The following API5 variants were observed in gnomAD, a reference collection of about 807,000 sequenced individuals.
The protein encoded by API5 is FIF.
A neutral mutation model predicts 71.9 loss-of-function variants in API5; 6 were observed. That is an observed-to-expected ratio of 0.08 (90% CI 0.05 to 0.16). The LOEUF (loss-of-function observed/expected upper bound fraction) is 0.16. Among genes scored for constraint, API5 ranks in the 10% least tolerant of loss-of-function variants. The pLI is 1.00. For missense variants in API5, 332 were observed against 612.8 expected (o/e 0.54, Z 4.84); for synonymous variants, 189 against 221.3 (o/e 0.85, Z 1.30).
intron 6 of API5, among the ~76,000 whole-genome samples, chr11:43,326,145 G>A (rs555947579): frequency 2.2e-4 from 33 of 152,196 alleles, no homozygotes; most frequent in African/African-American, 7.9e-4. Flanking sequence ...CATTTCTTTG[G>A]TTAATAGTAT....
At chr11:43,326,764 A>C (rs1855090127) in intron 7 of API5, among the ~76,000 whole-genome samples, 153 bp downstream of exon 7, 1 of 152,248 alleles carries the variant, frequency 6.6e-6, no homozygotes. Context: ...TAATTGCATT[A>C]GGACTGCTTC....
chr11:43,319,019 T>A, intron 2 of API5: 1 of 463,396 alleles, frequency 2.2e-6, no homozygotes, highest in Non-Finnish European at 3.8e-6. Context: ...CTCAAAATAC[T>A]TAGTTTCGCT....
chr11:43,342,527 C>A lies in API5; in HGVS notation c.*17C>A, dbSNP rs1371612725. The A allele has an allele frequency of 1.9e-6, 3 of 1,612,230 alleles. No individual in the cohort carries two copies. Among genetic ancestry groups the A allele is most frequent in the Non-Finnish European group, 2.5e-6 (3 of 1,178,482 alleles). On this transcript the variant is annotated 3_prime_UTR_variant, in exon 14 of 14. Coordinates refer to ENST00000531273, the MANE Select transcript of API5 (RefSeq NM_001142930.2). ...CTCTACTGAATAAGACATCAGCATTCTTCAGCATTGTCATGAGCTTAATAT... is the reference window on the plus strand; with the variant it reads ...CTCTACTGAATAAGACATCAGCATTATTCAGCATTGTCATGAGCTTAATAT...
rs779378138 is a variant in API5 at position 43,312,233 on chromosome 11, G to A, written c.69+37G>A. The A allele has an allele frequency of 3.7e-6, 6 of 1,601,746 alleles. No individual in the cohort carries two copies. In the South Asian group the frequency reaches 6.6e-5, roughly 18 times the overall value. ...CCCCGGGCGGCCTGCAGGGCCTGGCGCTCCGCGGCCTTTCGAAAGCGCTTC... is the reference window on the plus strand; with the variant it reads ...CCCCGGGCGGCCTGCAGGGCCTGGCACTCCGCGGCCTTTCGAAAGCGCTTC... On this transcript the variant is annotated intron_variant, in intron 1 of 13. Coordinates refer to ENST00000531273, the MANE Select transcript of API5 (RefSeq NM_001142930.2).
intron 13 of API5, chr11:43,339,506 C>A (rs1855543272): frequency 6.6e-6 from 1 of 152,102 alleles, no homozygotes; most frequent in Admixed American, 6.5e-5. Context: ...TGGGACGACA[C>A]CTTTGAGGAC....
intron 11 of API5, among the ~76,000 whole-genome samples, chr11:43,334,153 A>AT (rs947568325): frequency 2.0e-5 from 3 of 152,072 alleles, no homozygotes; most frequent in Non-Finnish European, 4.4e-5. Context: ...GACATGATAA[A>AT]TTTTTTGTTT....
At chr11:43,340,672 A>G (rs549253274) in intron 13 of API5, among the ~76,000 whole-genome samples, 2 of 152,048 alleles carry the variant, frequency 1.3e-5, no homozygotes, top group East Asian at 1.9e-4. Flanking sequence ...AAGAATACTC[A>G]TTGGAGGGAC....
Position 43,342,750 on chromosome 11 carries a change from A to G in API5, c.*240A>G, listed in dbSNP as rs1855665928. On this transcript the variant is annotated 3_prime_UTR_variant, in exon 14 of 14. Transcript: ENST00000531273. The stretch of plus-strand genomic sequence containing the variant: ...AATCTTGACTTGTTTTTGCAGTATC[A>G]TTATTCAGACTTCAAATTGTGAATC... The G allele has an allele frequency of 1.6e-6, 1 of 635,720 alleles. No individual in the cohort carries two copies. Among genetic ancestry groups the G allele is most frequent in the East Asian group, 2.7e-5 (1 of 36,446 alleles). The allele number at this position is 635,720 out of a possible 1,614,324, so 39.4% of individuals were successfully genotyped here. A position where few individuals can be genotyped will look rare whatever the true frequency, so the allele number is the denominator to read the frequency against.
At chr11:43,321,359 A>T in intron 3 of API5, 52 bp from the exon 4 acceptor site, 1 of 1,419,054 alleles carries the variant, frequency 7.0e-7, no homozygotes. Context: ...ACTGAAGCAG[A>T]TGATATTTTA....
chr11:43,313,417 T>C (rs1415322931), intron 1 of API5, among the ~76,000 whole-genome samples: 2 of 152,190 alleles, frequency 1.3e-5, no homozygotes, highest in Non-Finnish European at 2.9e-5. Context: ...ATCATTGTTT[T>C]AGAAATCCCA....
chr11:43,320,951 A>G (rs527767002), intron 3 of API5, 37 bp downstream of exon 3: 16 of 1,514,286 alleles, frequency 1.1e-5, no homozygotes, highest in East Asian at 6.8e-5. Context: ...CTCTAAATAT[A>G]TATCTTCTTT....
chr11:43,328,979 G>C, intron 9 of API5, 86 bp downstream of exon 9: 1 of 1,376,818 alleles, frequency 7.3e-7, no homozygotes, highest in Non-Finnish European at 1.0e-6. Flanking sequence ...TTCTATGAGA[G>C]CTCCCCATCC....
intron 5 of API5, among the ~76,000 whole-genome samples, chr11:43,322,605 G>A (rs139809538): frequency 1.4e-4 from 21 of 152,310 alleles, no homozygotes; most frequent in African/African-American, 4.8e-4. Context: ...AGTTGTAGAC[G>A]CTAAGATTGG....
chr11:43,330,946 T>G (rs1316077733), intron 11 of API5, among the ~76,000 whole-genome samples: 1 of 152,134 alleles, frequency 6.6e-6, no homozygotes, highest in Non-Finnish European at 1.5e-5. Flanking sequence ...TTCAATTCTG[T>G]TTACCCTTCC....
chr11:43,336,370 T>C, intron 13 of API5: 1 of 270,864 alleles, frequency 3.7e-6, no homozygotes, highest in Non-Finnish European at 6.9e-6. Flanking sequence ...TGAGAGATAG[T>C]ATAAATGCTC....
chr11:43,318,318 T>G (rs1854747510), intron 1 of API5: 1 of 1,188,500 alleles, frequency 8.4e-7, no homozygotes. Context: ...CCATTACAAA[T>G]TTTTTAAGCA....
In API5 at chr11:43,323,480, G is replaced by A; in HGVS notation, c.594G>A (p.Leu198=). Residue 198 remains leucine (L), a synonymous_variant, in exon 6 of 14, where the codon CTG becomes CTA. Coordinates refer to ENST00000531273, the MANE Select transcript of API5 (RefSeq NM_001142930.2). The part of the protein sequence containing the change: ...GEEFVLFMKI[L]SGLKSLQTVS... ...AATTTGTTCTATTTATGAAGATACT[G>A]TCTGGGTTAAAAAGCTTACAGACAG... 6.2e-7 allele frequency: 1 copy of A among 1,614,120 alleles called. No homozygotes were observed. Among genetic ancestry groups the A allele is most frequent in the Non-Finnish European group, 8.5e-7 (1 of 1,180,002 alleles).
intron 13 of API5, among the ~76,000 whole-genome samples, chr11:43,338,032 C>G (rs1296485026): frequency 6.6e-6 from 1 of 152,142 alleles, no homozygotes; most frequent in Non-Finnish European, 1.5e-5. Flanking sequence ...CAAACATCCA[C>G]GAGTCACAAC....
chr11:43,327,060 CATTTAATCTG>C (rs766775372), intron 7 of API5, among the ~76,000 whole-genome samples: 1 of 152,222 alleles, frequency 6.6e-6, no homozygotes, highest in Non-Finnish European at 1.5e-5. Flanking sequence ...TCTCTCCCTA[CATTTAATCTG>C]ATTCACCTCT....
Sources: allele counts gnomAD v4.1 joint callset (sites outside exome capture counted in the v4.1 genomes callset), GRCh38; gene constraint gnomAD v4.1.1; transcripts MANE v1.5; gene names NCBI Gene and HGNC (gene_info 2026-07-23, HGNC 2026-07-21).